The following PRTFDC1 variants were observed in gnomAD, a reference collection of about 807,000 sequenced individuals.
PRTFDC1 encodes the protein phosphoribosyl transferase domain containing 1, also known as phosphoribosyltransferase domain-containing protein 1.
PRTFDC1 carries 38 observed loss-of-function variants against 34.6 expected under a neutral mutation model. The observed-to-expected ratio is 1.10, with a 90% CI of 0.85 to 1.44. PRTFDC1 has a LOEUF of 1.44. PRTFDC1 is among the 40% of genes most tolerant of loss of function. The pLI, the probability that PRTFDC1 is intolerant of heterozygous loss-of-function variation, is 0.00. For synonymous variants in PRTFDC1, 93 were observed against 98.1 expected (o/e 0.95, Z 0.31); for missense variants, 270 against 283.0 (o/e 0.95, Z 0.33).
intron 4 of PRTFDC1, among the ~76,000 whole-genome samples, chr10:24,866,289 A>C (rs1286065376): frequency 1.4e-5 from 2 of 141,408 alleles, no homozygotes; most frequent in Non-Finnish European, 3.0e-5. Context: ...TGAACGTGGG[A>C]GGTGCAGGTT....
At chr10:24,868,188 G>T (rs537611751) in intron 4 of PRTFDC1, 1 of 152,412 alleles carries the variant, frequency 6.6e-6, no homozygotes, top group South Asian at 2.1e-4. Context: ...AGGCTTGGGG[G>T]TCAACTGTTG....
intron 3 of PRTFDC1, among the ~76,000 whole-genome samples, chr10:24,891,742 C>T (rs1452733760): frequency 6.6e-6 from 1 of 152,108 alleles, no homozygotes; most frequent in African/African-American, 2.4e-5. Flanking sequence ...GCATGGGCAA[C>T]AGAGTGAGAA....
intron 3 of PRTFDC1, among the ~76,000 whole-genome samples, chr10:24,900,695 A>G (rs565838579): frequency 6.6e-6 from 1 of 152,234 alleles, no homozygotes; most frequent in Non-Finnish European, 1.5e-5. Flanking sequence ...TACAAACCAA[A>G]TCAACAAATC....
At chr10:24,912,120 T>G (rs1007373831) in intron 3 of PRTFDC1, among the ~76,000 whole-genome samples, 1 of 150,806 alleles carries the variant, frequency 6.6e-6, no homozygotes. Flanking sequence ...AATACAAAAA[T>G]TGGCCAGATA....
chr10:24,871,069 TAAAAAAAAAA>T lies in PRTFDC1; in HGVS notation c.405+919_405+928del, dbSNP rs11314430. ...CCTGGGGACAGAGCAAGACTCTGTC[TAAAAAAAAAA>T]AAAAAAAAAAAGTCCTTGTGGCTCT... is the stretch of plus-strand genomic sequence containing the variant. On this transcript the variant is annotated intron_variant, in intron 4 of 8. Transcript: ENST00000320152. Among the ~76,000 whole-genome samples the T allele has an allele frequency of 3.6e-3, 373 of 103,094 alleles. 7 individuals are homozygous for T. In the Admixed American group the frequency reaches 0.037, roughly 10 times the overall value. 67.6% of individuals were successfully genotyped at this position (103,094 alleles called of 152,430 possible). A position where few individuals can be genotyped will look rare whatever the true frequency, so the allele number is the denominator to read the frequency against.
intron 3 of PRTFDC1, among the ~76,000 whole-genome samples, chr10:24,875,892 G>A (rs1380236832): frequency 9.9e-6 from 1 of 100,894 alleles, no homozygotes; most frequent in Non-Finnish European, 1.9e-5. Flanking sequence ...GTCTTGTTCT[G>A]TCATCCAGGC....
chr10:24,922,641 A>G (rs1349828337), intron 3 of PRTFDC1, among the ~76,000 whole-genome samples: 1 of 152,180 alleles, frequency 6.6e-6, no homozygotes, highest in Non-Finnish European at 1.5e-5. Context: ...AGCCATATGG[A>G]ACTGTGAGTC....
intron 3 of PRTFDC1, among the ~76,000 whole-genome samples, chr10:24,896,069 T>C (rs1036846725): frequency 6.6e-6 from 1 of 151,936 alleles, no homozygotes; most frequent in Non-Finnish European, 1.5e-5. Context: ...CCTGGGAAAC[T>C]AGGGCACAGA....
intron 7 of PRTFDC1, 70 bp from the exon 8 acceptor site, chr10:24,851,534 T>C: frequency 1.9e-6 from 3 of 1,566,978 alleles, no homozygotes; most frequent in African/African-American, 1.4e-5. Context: ...AGTCACCATA[T>C]GCTGCTGTCG....
chr10:24,892,085 C>T (rs747569374), intron 3 of PRTFDC1, among the ~76,000 whole-genome samples: 3 of 152,052 alleles, frequency 2.0e-5, no homozygotes, highest in Non-Finnish European at 4.4e-5. Flanking sequence ...AGCAGGTATC[C>T]CTTTGACATA....
intron 3 of PRTFDC1, among the ~76,000 whole-genome samples, chr10:24,887,072 G>A (rs1274390013): frequency 1.4e-5 from 2 of 144,700 alleles, no homozygotes; most frequent in Admixed American, 7.3e-5. Flanking sequence ...CCGGGTTCAC[G>A]CCATTCTCCT....
chr10:24,935,008 T>C (rs1019073838), intron 3 of PRTFDC1, among the ~76,000 whole-genome samples: 3 of 152,216 alleles, frequency 2.0e-5, no homozygotes, highest in Non-Finnish European at 4.4e-5. Context: ...GGCAAAACTT[T>C]AGGAAAAGAA....
At chr10:24,902,912 A>AG (rs1565272108) in intron 3 of PRTFDC1, among the ~76,000 whole-genome samples, 3 of 152,186 alleles carry the variant, frequency 2.0e-5, no homozygotes, top group Non-Finnish European at 4.4e-5. Context: ...AAGAAAATAT[A>AG]GGGGCCAGAT....
At chr10:24,907,212 T>TAA (rs59328007) in intron 3 of PRTFDC1, among the ~76,000 whole-genome samples, 24 of 149,158 alleles carry the variant, frequency 1.6e-4, no homozygotes, top group Non-Finnish European at 2.2e-4. Context: ...ACCCTGTCTC[T>TAA]AAAAAAAAAA....
Position 24,848,795 on chromosome 10 carries a change from T to C in PRTFDC1, c.*1049A>G, listed in dbSNP as rs1028069763. Reference sequence around the variant, plus strand: ...GACTCAAGTTTATTTTCAATTAAAATCCCCATAAATTAGGAAATGTCTTAT... The same window carrying C: ...GACTCAAGTTTATTTTCAATTAAAACCCCCATAAATTAGGAAATGTCTTAT... On this transcript the variant is annotated 3_prime_UTR_variant, in exon 9 of 9. Transcript: ENST00000320152. 9 of 152,094 alleles carry C rather than the reference T, an allele frequency of 5.9e-5. No homozygotes were observed. Among genetic ancestry groups the C allele is most frequent in the Non-Finnish European group, 1.3e-4 (9 of 68,024 alleles). The allele number at this position is 152,094 out of a possible 1,614,324, so 9.4% of individuals were successfully genotyped here.
chr10:24,877,028 T>C (rs1431919906), intron 3 of PRTFDC1, among the ~76,000 whole-genome samples: 2 of 152,136 alleles, frequency 1.3e-5, no homozygotes, highest in African/African-American at 2.4e-5. Flanking sequence ...TTTTATTCCA[T>C]TCCTTCCTTA....
intron 3 of PRTFDC1, among the ~76,000 whole-genome samples, chr10:24,934,254 A>G (rs112195113): frequency 0.086 from 3,981 of 46,468 alleles, 58 homozygotes; most frequent in African/African-American, 0.25. Flanking sequence ...GAAGGAGAAG[A>G]AGAAGAAGAA....
intron 3 of PRTFDC1, among the ~76,000 whole-genome samples, chr10:24,902,920 G>C (rs921015039): frequency 6.6e-6 from 1 of 152,214 alleles, no homozygotes; most frequent in Non-Finnish European, 1.5e-5. Context: ...ATAGGGGCCA[G>C]ATGCAGTGGC....
chr10:24,874,347 AAATGTC>A (rs1316056334), intron 3 of PRTFDC1, among the ~76,000 whole-genome samples: 1 of 152,230 alleles, frequency 6.6e-6, no homozygotes, highest in Admixed American at 6.5e-5. Flanking sequence ...GACTTGTCAA[AAATGTC>A]AAAGGAGAAA....
Sources: gnomAD v4.1 joint callset for allele counts (sites outside exome capture counted in the v4.1 genomes callset) on GRCh38, gnomAD v4.1.1 for gene constraint, MANE v1.5 for transcripts, NCBI Gene and HGNC (gene_info 2026-07-23, HGNC 2026-07-21) for gene names.